The following GRIA1 variants were observed in gnomAD, a reference collection of about 807,000 sequenced individuals.
GRIA1 encodes the protein glutamate receptor 1.
Under a neutral mutation model 99.2 loss-of-function variants are expected in GRIA1, and 31 were observed. The ratio of observed to expected loss-of-function variants is 0.31; its 90% CI spans 0.23 to 0.42. GRIA1 has a LOEUF of 0.42. Ranked by LOEUF, GRIA1 falls within the 10% of genes least tolerant of loss-of-function variation. GRIA1 has a pLI of 1.00. For missense variants in GRIA1, 782 were observed against 1,157.5 expected (o/e 0.68, Z 4.71); for synonymous variants, 438 against 432.4 (o/e 1.01, Z -0.16).
intron 2 of GRIA1, among the ~76,000 whole-genome samples, chr5:153,510,176 G>A (rs1429432126): frequency 1.3e-5 from 2 of 152,136 alleles, no homozygotes; most frequent in South Asian, 2.1e-4. Flanking sequence ...ATTTGGGAGC[G>A]AGAAGACAAA....
intron 11 of GRIA1, among the ~76,000 whole-genome samples, chr5:153,724,226 C>T (rs939294924): frequency 1.3e-5 from 2 of 152,032 alleles, no homozygotes; most frequent in African/African-American, 2.4e-5. Flanking sequence ...AAAGGACATC[C>T]ACACCAAAAA....
At chr5:153,522,747 TC>T (rs1467923181) in intron 2 of GRIA1, among the ~76,000 whole-genome samples, 1 of 152,164 alleles carries the variant, frequency 6.6e-6, no homozygotes, top group Non-Finnish European at 1.5e-5. Context: ...GTTCATTGGA[TC>T]AAGCAAGTTG....
chr5:153,678,144 T>C (rs1756723840), intron 7 of GRIA1, among the ~76,000 whole-genome samples: 2 of 152,200 alleles, frequency 1.3e-5, no homozygotes, highest in South Asian at 4.1e-4. Flanking sequence ...CCAGCTTTAC[T>C]TTTAAGACGA....
chr5:153,579,878 C>CA (rs199910307), intron 2 of GRIA1, among the ~76,000 whole-genome samples: 1 of 118,512 alleles, frequency 8.4e-6, no homozygotes, highest in South Asian at 3.6e-4. Flanking sequence ...TGTGAAAAAA[C>CA]AAAAACAAAC....
At chr5:153,523,200 A>AT (rs1372629510) in intron 2 of GRIA1, among the ~76,000 whole-genome samples, 1 of 152,078 alleles carries the variant, frequency 6.6e-6, no homozygotes, top group African/African-American at 2.4e-5. Context: ...CTACTCTGGA[A>AT]TTTTTTCTCC....
At chr5:153,607,660 A>T (rs529969867) in intron 2 of GRIA1, among the ~76,000 whole-genome samples, 3 of 152,086 alleles carry the variant, frequency 2.0e-5, no homozygotes, top group Non-Finnish European at 4.4e-5. Flanking sequence ...ATCAAATGTT[A>T]TTGTAATTGC....
intron 2 of GRIA1, among the ~76,000 whole-genome samples, chr5:153,527,563 G>A (rs555857150): frequency 1.2e-4 from 18 of 152,222 alleles, no homozygotes; most frequent in Admixed American, 3.3e-4. Context: ...TGGATTAGGC[G>A]GGGAAGATCT....
chr5:153,804,416 T>A (rs567288165), intron 15 of GRIA1, among the ~76,000 whole-genome samples: 64 of 152,026 alleles, frequency 4.2e-4, no homozygotes, highest in African/African-American at 1.5e-3. Flanking sequence ...TACCTTACCC[T>A]CCAAAATGAG....
chr5:153,606,669 T>G (rs1765465241), intron 2 of GRIA1, among the ~76,000 whole-genome samples: 1 of 152,026 alleles, frequency 6.6e-6, no homozygotes, highest in Admixed American at 6.6e-5. Context: ...TCTTAAAATA[T>G]TATGTCATAA....
intron 2 of GRIA1, among the ~76,000 whole-genome samples, chr5:153,560,784 T>C (rs908782229): frequency 6.6e-6 from 1 of 152,192 alleles, no homozygotes; most frequent in Non-Finnish European, 1.5e-5. Flanking sequence ...GCCTTTGGTT[T>C]TGAGGTTCTC....
At position 153,515,633 on chromosome 5, in the gene GRIA1, AT is replaced by A. The variant is rs111302893; in HGVS notation, c.220+21569del. On this transcript the variant is annotated intron_variant, in intron 2 of 15. Coordinates refer to ENST00000285900, the MANE Select transcript of GRIA1 (RefSeq NM_000827.4). ...TTTTAAATGTTCTCACCACAAAGAAATGACAAGTATGTGAGGTTATGAATAC... is the reference window on the plus strand; with the variant it reads ...TTTTAAATGTTCTCACCACAAAGAAAGACAAGTATGTGAGGTTATGAATAC... 2.9e-3 allele frequency among the ~76,000 whole-genome samples: 442 copies of A among 152,370 alleles called. 5 individuals are homozygous for A. The highest frequency in any genetic ancestry group is 0.01 in the African/African-American group (424 of 41,580).
chr5:153,629,522 C>T (rs1048251742), intron 2 of GRIA1, among the ~76,000 whole-genome samples: 1 of 152,242 alleles, frequency 6.6e-6, no homozygotes, highest in Non-Finnish European at 1.5e-5. Context: ...ATTATAAATA[C>T]TTTCAATCTT....
At chr5:153,634,556 AAGCAGATGTGGTGGG>A (rs1753215999) in intron 2 of GRIA1, among the ~76,000 whole-genome samples, 1 of 152,126 alleles carries the variant, frequency 6.6e-6, no homozygotes, top group African/African-American at 2.4e-5. Context: ...CATGGCCTGG[AAGCAGATGTGGTGGG>A]AGAGATAGGC....
At chr5:153,795,466 C>T (rs974237422) in intron 14 of GRIA1, 1 of 1,457,064 alleles carries the variant, frequency 6.9e-7, no homozygotes. Context: ...TATTTCCCCC[C>T]TGGTTGAAGA....
chr5:153,597,243 C>T (rs1351257020), intron 2 of GRIA1, among the ~76,000 whole-genome samples: 1 of 152,188 alleles, frequency 6.6e-6, no homozygotes, highest in East Asian at 1.9e-4. Context: ...TATACTTCAA[C>T]TCTTAGTACG....
chr5:153,770,725 C>G (rs1397934449), intron 13 of GRIA1, among the ~76,000 whole-genome samples: 2 of 152,164 alleles, frequency 1.3e-5, no homozygotes, highest in African/African-American at 4.8e-5. Context: ...CTGTAACACC[C>G]CATCCTTTAC....
Position 153,698,944 on chromosome 5 carries a change from G to A in GRIA1, c.1323G>A (p.Glu441=). The A allele has an allele frequency of 6.2e-7, 1 of 1,610,668 alleles. No individual in the cohort carries two copies. The highest frequency in any genetic ancestry group is 8.5e-7 in the Non-Finnish European group (1 of 1,178,448). The part of the protein sequence containing the change: ...GNDRYEGYCV[E]LAAEIAKHVG... ...ACCGTTACGAGGGCTACTGTGTAGAGCTGGCGGCAGAGATTGCCAAGCACG... is the reference window on the plus strand; with the variant it reads ...ACCGTTACGAGGGCTACTGTGTAGAACTGGCGGCAGAGATTGCCAAGCACG... Residue 441 remains glutamate, a synonymous_variant, in exon 10 of 16, where the codon GAG becomes GAA. Coordinates refer to ENST00000285900, the MANE Select transcript of GRIA1 (RefSeq NM_000827.4).
intron 8 of GRIA1, among the ~76,000 whole-genome samples, chr5:153,696,645 G>T (rs1268269331): frequency 2.6e-5 from 4 of 152,218 alleles, no homozygotes; most frequent in African/African-American, 9.6e-5. Flanking sequence ...CTGACCATTT[G>T]GCAAATGCCT....
At chr5:153,697,655 A>T (rs1391885201) in intron 8 of GRIA1, among the ~76,000 whole-genome samples, 3 of 152,194 alleles carry the variant, frequency 2.0e-5, no homozygotes, top group African/African-American at 7.2e-5. Flanking sequence ...ATAGTTCAGA[A>T]TGAGTTCACT....
Sources: gnomAD v4.1 joint callset for allele counts (sites outside exome capture counted in the v4.1 genomes callset) on GRCh38, gnomAD v4.1.1 for gene constraint, MANE v1.5 for transcripts, NCBI Gene and HGNC (gene_info 2026-07-23, HGNC 2026-07-21) for gene names.